Variants in CAMTA1 observed in about 807,000 individuals in gnomAD.
The protein encoded by CAMTA1 is calmodulin binding transcription activator 1.
A neutral mutation model predicts 170.9 loss-of-function variants in CAMTA1; 27 were observed. That is an observed-to-expected ratio of 0.16 (90% CI 0.12 to 0.22). CAMTA1 has a LOEUF of 0.22. Among genes scored for constraint, CAMTA1 ranks in the 10% least tolerant of loss-of-function variants. The pLI is 1.00. For missense variants in CAMTA1, 1,619 were observed against 2,217.2 expected (o/e 0.73, Z 5.42); for synonymous variants, 833 against 891.5 (o/e 0.93, Z 1.17).
chr1:7,747,743 G>A lies in CAMTA1; in HGVS notation c.4651G>A (p.Ala1551Thr). Residue 1551 changes from alanine to threonine, a missense_variant, in exon 19 of 23, where the codon GCT becomes ACT. Around this residue, in one of 8 missense-constraint regions of CAMTA1, gnomAD observed 128 missense variants for 213.5 expected, o/e 0.60. Transcript: ENST00000303635. ...RPLREQQEVA[A>T]AVIQRCYRKY... ...CTTGCGGGAACAGCAAGAAGTAGCT[G>A]CTGCTGTTATTCAGCGTTGTTACAG... The A allele has an allele frequency of 6.2e-7, 1 of 1,612,994 alleles. No individual in the cohort carries two copies. Among genetic ancestry groups the A allele is most frequent in the Non-Finnish European group, 8.5e-7 (1 of 1,179,592 alleles).
In CAMTA1 at chr1:7,283,122, G is replaced by A. The variant is rs1314712397; in HGVS notation, c.438+33496G>A. Among the ~76,000 whole-genome samples the A allele has an allele frequency of 2.6e-5, 4 of 151,890 alleles. No homozygotes were observed. The South Asian group carries it at 6.3e-4, about 24-fold the overall frequency. The stretch of plus-strand genomic sequence containing the variant: ...AAAGAGCATAAAGAAGAGTAAATAC[G>A]AAAAAAAATCTCTAACCTCACCGCT... On this transcript the variant is annotated intron_variant, in intron 5 of 22. Transcript: ENST00000303635.
At chr1:7,314,075 C>T (rs776660310) in intron 5 of CAMTA1, among the ~76,000 whole-genome samples, 2 of 152,198 alleles carry the variant, frequency 1.3e-5, no homozygotes, top group East Asian at 1.9e-4. Flanking sequence ...GTTCATCCCC[C>T]GGGAGGGATC....
At chr1:7,209,070 G>T (rs771530013) in intron 4 of CAMTA1, among the ~76,000 whole-genome samples, 1 of 151,030 alleles carries the variant, frequency 6.6e-6, no homozygotes, top group Non-Finnish European at 1.5e-5. Flanking sequence ...CTATGTGATT[G>T]TTGTTTGAAT....
chr1:7,306,083 A>T (rs1401799096), intron 5 of CAMTA1, among the ~76,000 whole-genome samples: 2 of 152,042 alleles, frequency 1.3e-5, no homozygotes, highest in East Asian at 3.8e-4. Context: ...TCTGTTCATT[A>T]TCTGAAAAGT....
At chr1:7,207,824 G>A (rs1658036029) in intron 4 of CAMTA1, among the ~76,000 whole-genome samples, 1 of 152,140 alleles carries the variant, frequency 6.6e-6, no homozygotes, top group Admixed American at 6.5e-5. Context: ...TTCCTTTAGT[G>A]TTTGGGGCCC....
rs2096896207 is a variant in CAMTA1 at position 7,751,391 on chromosome 1, A to G, written c.4882A>G (p.Arg1628Gly). ...RTAVIVQQKL[R>G]SSLLTKKQDQ... ...GGCTGTGATTGTACAACAGAAACTC[A>G]GGTGGGTGGAGAAGAGCTCATGGAG... Residue 1628 changes from arginine to glycine, a missense_variant and splice_region_variant, in exon 20 of 23, where the codon AGG (arginine) becomes GGG (glycine). Physicochemically the swap from Arg to Gly is moderately radical, Grantham distance 125. This residue lies in a region of CAMTA1 where 128 missense variants were observed against 213.5 expected (regional missense o/e 0.60). Transcript: ENST00000303635. 1.9e-6 allele frequency: 3 copies of G among 1,584,590 alleles called. No homozygotes were observed. Among genetic ancestry groups the G allele is most frequent in the Non-Finnish European group, 2.6e-6 (3 of 1,169,342 alleles).
intron 3 of CAMTA1, among the ~76,000 whole-genome samples, chr1:6,891,810 G>T (rs1674555901): frequency 2.6e-5 from 4 of 152,188 alleles, no homozygotes; most frequent in Admixed American, 2.6e-4. Context: ...TAGCAGCTCA[G>T]ATTTTATGTA....
At chr1:7,110,190 G>A (rs557146484) in intron 4 of CAMTA1, among the ~76,000 whole-genome samples, 21 of 152,182 alleles carry the variant, frequency 1.4e-4, no homozygotes, top group South Asian at 6.2e-4. Flanking sequence ...TAGCTGCTGG[G>A]GGCATCCTGT....
intron 6 of CAMTA1, among the ~76,000 whole-genome samples, chr1:7,589,335 G>C (rs1053288933): frequency 3.2e-4 from 49 of 152,316 alleles, no homozygotes; most frequent in African/African-American, 1.1e-3. Flanking sequence ...GCTGTGGCAG[G>C]GTTCCCCACA....
chr1:7,473,061 G>A (rs1010698876), intron 6 of CAMTA1, among the ~76,000 whole-genome samples: 6 of 152,192 alleles, frequency 3.9e-5, no homozygotes, highest in Admixed American at 3.9e-4. Context: ...CAGGTTCACA[G>A]GGGAGAGATG....
At chr1:7,275,146 CA>C (rs1340599304) in intron 5 of CAMTA1, among the ~76,000 whole-genome samples, 23 of 83,576 alleles carry the variant, frequency 2.8e-4, no homozygotes, top group South Asian at 9.5e-4. Context: ...GATTCCATCT[CA>C]AAAAAAAAAA....
intron 5 of CAMTA1, among the ~76,000 whole-genome samples, chr1:7,304,075 GAA>G (rs1675209605): frequency 1.3e-5 from 1 of 76,966 alleles, no homozygotes; most frequent in Non-Finnish European, 4.1e-5. Context: ...GGAGGGAGAT[GAA>G]GAGTTATTGC....
chr1:7,557,581 T>C (rs890473716), intron 6 of CAMTA1, among the ~76,000 whole-genome samples: 2 of 152,248 alleles, frequency 1.3e-5, no homozygotes, highest in African/African-American at 4.8e-5. Flanking sequence ...CTAAAAGTTA[T>C]TGGTGAAGTA....
intron 1 of CAMTA1, among the ~76,000 whole-genome samples, chr1:6,806,808 C>T (rs1233347374): frequency 6.6e-6 from 1 of 152,116 alleles, no homozygotes; most frequent in African/African-American, 2.4e-5. Flanking sequence ...AGAGTTAGGA[C>T]ATGTTACAAT....
chr1:6,806,902 G>T (rs1054379031), intron 1 of CAMTA1: 5 of 416,440 alleles, frequency 1.2e-5, no homozygotes, highest in East Asian at 3.4e-5. Context: ...GTCCCGCAGG[G>T]GCCACGTGAA....
intron 4 of CAMTA1, among the ~76,000 whole-genome samples, chr1:7,142,554 G>T (rs1475312941): frequency 6.6e-6 from 1 of 152,220 alleles, no homozygotes; most frequent in Non-Finnish European, 1.5e-5. Flanking sequence ...GTGTCACGGG[G>T]TGGATCCTTC....
chr1:7,078,993 T>C (rs1231257357), intron 3 of CAMTA1, among the ~76,000 whole-genome samples: 2 of 152,222 alleles, frequency 1.3e-5, no homozygotes, highest in Non-Finnish European at 2.9e-5. Context: ...TTCTGTTGAC[T>C]ACTAAACCAT....
chr1:7,550,354 C>CT (rs1444407633), intron 6 of CAMTA1, among the ~76,000 whole-genome samples: 2 of 151,942 alleles, frequency 1.3e-5, no homozygotes, highest in African/African-American at 4.8e-5. Context: ...CTCACCATTC[C>CT]TTTTTGCCTC....
intron 5 of CAMTA1, among the ~76,000 whole-genome samples, chr1:7,346,553 CTT>C (rs1376209728): frequency 2.0e-5 from 3 of 152,212 alleles, no homozygotes; most frequent in Non-Finnish European, 4.4e-5. Context: ...GCCCATAAGA[CTT>C]CCCCCCTTAG....
Sources: gnomAD v4.1 joint callset for allele counts (sites outside exome capture counted in the v4.1 genomes callset) on GRCh38, gnomAD v4.1.1 for gene constraint, gnomAD v4.1.1 regional missense constraint, MANE v1.5 for transcripts, NCBI Gene and HGNC (gene_info 2026-07-23, HGNC 2026-07-21) for gene names.